SYT1: variants seen among roughly 807,000 people sequenced by gnomAD.
SYT1 encodes synaptotagmin-1.
SYT1 carries 8 observed loss-of-function variants against 44.8 expected under a neutral mutation model. That is an observed-to-expected ratio of 0.18 (90% CI 0.10 to 0.32). The LOEUF is 0.32. Ranked by LOEUF, SYT1 falls within the 10% of genes least tolerant of loss-of-function variation. The pLI, the probability that SYT1 is intolerant of heterozygous loss-of-function variation, is 1.00. For synonymous variants in SYT1, 154 were observed against 188.8 expected (o/e 0.82, Z 1.51); for missense variants, 286 against 509.3 (o/e 0.56, Z 4.22).
chr12:78,959,855 C>T (rs1442449247), intron 1 of SYT1, among the ~76,000 whole-genome samples: 1 of 151,902 alleles, frequency 6.6e-6, no homozygotes. Context: ...CAATGTTATG[C>T]CATGATCAGA....
chr12:79,286,355 C>T (rs1252150237), intron 5 of SYT1, among the ~76,000 whole-genome samples: 1 of 152,180 alleles, frequency 6.6e-6, no homozygotes, highest in South Asian at 2.1e-4. Context: ...CTAATTTCTA[C>T]TGTTCATAGT....
At chr12:79,295,635 G>GC (rs1160488523) in intron 6 of SYT1, among the ~76,000 whole-genome samples, 1 of 152,158 alleles carries the variant, frequency 6.6e-6, no homozygotes, top group Admixed American at 6.5e-5. Context: ...CTAGCCTGAG[G>GC]CTTTGATAAA....
chr12:79,035,166 A>G (rs1454065543), intron 2 of SYT1, among the ~76,000 whole-genome samples: 1 of 151,672 alleles, frequency 6.6e-6, no homozygotes, highest in Non-Finnish European at 1.5e-5. Flanking sequence ...CCGAACCCCA[A>G]CATACCACTT....
chr12:79,340,691 C>T (rs1167772397), intron 8 of SYT1, among the ~76,000 whole-genome samples: 2 of 152,058 alleles, frequency 1.3e-5, no homozygotes, highest in Non-Finnish European at 2.9e-5. Flanking sequence ...CTCTGGCCAA[C>T]TACAATTTCA....
chr12:79,279,325 A>T (rs1878917109), intron 4 of SYT1, among the ~76,000 whole-genome samples: 1 of 152,120 alleles, frequency 6.6e-6, no homozygotes, highest in Non-Finnish European at 1.5e-5. Flanking sequence ...CATTCCAGGG[A>T]TGCTAGGAGG....
At chr12:78,866,346 C>T (rs1208580636) in intron 1 of SYT1, among the ~76,000 whole-genome samples, 2 of 152,118 alleles carry the variant, frequency 1.3e-5, no homozygotes, top group Non-Finnish European at 2.9e-5. Context: ...CTCAGTTGGA[C>T]AAGAATCCTC....
At chr12:78,950,171 T>C (rs1300966240) in intron 1 of SYT1, among the ~76,000 whole-genome samples, 1 of 152,064 alleles carries the variant, frequency 6.6e-6, no homozygotes, top group African/African-American at 2.4e-5. Context: ...ATTAATGACA[T>C]TTTCCTATAA....
chr12:79,407,690 A>G (rs1054417251), intron 9 of SYT1, among the ~76,000 whole-genome samples: 1 of 152,160 alleles, frequency 6.6e-6, no homozygotes, highest in Non-Finnish European at 1.5e-5. Context: ...ACTCTGAGAT[A>G]CATCAAAGAC....
At chr12:78,920,144 T>C (rs1876897557) in intron 1 of SYT1, among the ~76,000 whole-genome samples, 1 of 152,000 alleles carries the variant, frequency 6.6e-6, no homozygotes, top group Non-Finnish European at 1.5e-5. Context: ...TATAGTAATG[T>C]GTCTTTATTA....
intron 1 of SYT1, among the ~76,000 whole-genome samples, chr12:78,872,256 T>G (rs1461223114): frequency 1.3e-5 from 2 of 151,466 alleles, no homozygotes; most frequent in Admixed American, 6.6e-5. Context: ...CAACGACTTG[T>G]TTTTTTTCTG....
Position 78,956,979 on chromosome 12 carries a change from T to C in SYT1, c.-216-20820T>C, listed in dbSNP as rs75781519. On this transcript the variant is annotated intron_variant, in intron 1 of 10. Coordinates refer to ENST00000261205, the MANE Select transcript of SYT1 (RefSeq NM_005639.3). ...AATGCACAGCAGAGTGAATATGGAC[T>C]ATATCCTTTGTCCATTTTATCAGAG... is the stretch of plus-strand genomic sequence containing the variant. Among the ~76,000 whole-genome samples, 19 of 152,290 alleles carry C rather than the reference T, an allele frequency of 1.2e-4. No homozygotes were observed. In the East Asian group the frequency reaches 3.7e-3, roughly 29 times the overall value.
intron 8 of SYT1, among the ~76,000 whole-genome samples, chr12:79,312,687 A>G (rs570193674): frequency 4.7e-5 from 7 of 149,928 alleles, no homozygotes; most frequent in Non-Finnish European, 8.9e-5. Flanking sequence ...TTTTTAAGTT[A>G]TATTTTTTCC....
At chr12:79,402,223 C>A (rs566266571) in intron 9 of SYT1, among the ~76,000 whole-genome samples, 2 of 152,242 alleles carry the variant, frequency 1.3e-5, no homozygotes, top group South Asian at 4.1e-4. Flanking sequence ...TACACGCAAA[C>A]CTCTAGGGAA....
chr12:79,231,780 G>C (rs1405478901), intron 4 of SYT1, among the ~76,000 whole-genome samples: 1 of 152,088 alleles, frequency 6.6e-6, no homozygotes, highest in African/African-American at 2.4e-5. Flanking sequence ...TATTGCAGTG[G>C]ATTTAAAACA....
chr12:79,334,572 C>G (rs2139024081), intron 8 of SYT1, among the ~76,000 whole-genome samples: 1 of 152,268 alleles, frequency 6.6e-6, no homozygotes, highest in Non-Finnish European at 1.5e-5. Context: ...CGTTCAAAGG[C>G]TTGGAGGCAC....
intron 4 of SYT1, among the ~76,000 whole-genome samples, chr12:79,241,716 G>C (rs1241530886): frequency 1.3e-5 from 2 of 152,214 alleles, no homozygotes; most frequent in African/African-American, 2.4e-5. Flanking sequence ...CTCAAAAGTA[G>C]ATAATGTGTG....
rs1884160137 is a variant in SYT1 at position 79,380,215 on chromosome 12, A to C, written c.928+26596A>C. Among the ~76,000 whole-genome samples, 4 of 152,238 alleles carry C rather than the reference A, an allele frequency of 2.6e-5. No individual in the cohort carries two copies. The South Asian group carries it at 8.3e-4, about 31-fold the overall frequency. On this transcript the variant is annotated intron_variant, in intron 9 of 10. Coordinates refer to ENST00000261205, the MANE Select transcript of SYT1 (RefSeq NM_005639.3). ...AGAGAAAATGCAGTTTCTGTCATTT[A>C]GATATTTTGAGAAAATATTAACTGC... is the stretch of plus-strand genomic sequence containing the variant.
rs1240368967 is a variant in SYT1 at position 79,444,210 on chromosome 12, A to C, written c.1062+4A>C. 2 of 1,612,288 alleles carry C rather than the reference A, an allele frequency of 1.2e-6. No homozygotes were observed. The highest frequency in any genetic ancestry group is 2.7e-5 in the African/African-American group (2 of 74,866). ...AGTACCTTTTGAACAAATCCAGGTA[A>C]TGTCAAACATAACTTTGTCTTCCCA... On this transcript the variant is annotated splice_donor_region_variant and intron_variant, in intron 10 of 10. Transcript: ENST00000261205.
chr12:79,229,082 T>A (rs944339611), intron 4 of SYT1, among the ~76,000 whole-genome samples: 1 of 152,180 alleles, frequency 6.6e-6, no homozygotes, highest in Non-Finnish European at 1.5e-5. Context: ...CATCTTCGTA[T>A]CCCCCACATC....
Sources: allele counts gnomAD v4.1 joint callset (sites outside exome capture counted in the v4.1 genomes callset), GRCh38; gene constraint gnomAD v4.1.1; transcripts MANE v1.5; gene names NCBI Gene and HGNC (gene_info 2026-07-23, HGNC 2026-07-21).